CXADR: variants seen among roughly 807,000 people sequenced by gnomAD.
The protein encoded by CXADR is coxsackievirus and adenovirus receptor.
Under a neutral mutation model 40.3 loss-of-function variants are expected in CXADR, and 20 were observed. The ratio of observed to expected loss-of-function variants is 0.50; its 90% CI spans 0.35 to 0.72. The LOEUF is 0.72. Ranked by LOEUF, CXADR falls within the 30% of genes least tolerant of loss-of-function variation. CXADR has a pLI of 0.01. For synonymous variants in CXADR, 150 were observed against 161.3 expected (o/e 0.93, Z 0.53); for missense variants, 332 against 449.1 (o/e 0.74, Z 2.36).
intron 7 of CXADR, among the ~76,000 whole-genome samples, chr21:17,586,593 C>T (rs950462441): frequency 1.3e-5 from 2 of 151,344 alleles, no homozygotes; most frequent in African/African-American, 4.8e-5. Flanking sequence ...GAGTCAGCCT[C>T]TTCTCAGTAC....
the CXADR span, chr21:17,598,585 T>A: frequency 6.3e-7 from 1 of 1,586,494 alleles, no homozygotes; most frequent in Non-Finnish European, 8.6e-7. Context: ...TCCCTGCACA[T>A]CCCTTTAAAA....
Position 17,568,503 on chromosome 21 carries a change from G to A in CXADR, c.*2811G>A. The A allele has an allele frequency of 2.0e-6, 2 of 980,634 alleles. No individual in the cohort carries two copies. The highest frequency in any genetic ancestry group is 2.4e-6 in the Non-Finnish European group (2 of 828,296). 60.7% of individuals were successfully genotyped at this position (980,634 alleles called of 1,614,324 possible). A position where few individuals can be genotyped will look rare whatever the true frequency, so the allele number is the denominator to read the frequency against. On this transcript the variant is annotated 3_prime_UTR_variant, in exon 7 of 7. Coordinates refer to ENST00000284878, the MANE Select transcript of CXADR (RefSeq NM_001338.5). ...AGACTTGATACCATCCATCTCTTTAGGTTACAGAGGATAATTTGAAGAGAA... is the reference window on the plus strand; with the variant it reads ...AGACTTGATACCATCCATCTCTTTAAGTTACAGAGGATAATTTGAAGAGAA...
At chr21:17,548,102 A>G (rs1434951390) in intron 2 of CXADR, among the ~76,000 whole-genome samples, 1 of 152,184 alleles carries the variant, frequency 6.6e-6, no homozygotes, top group East Asian at 1.9e-4. Flanking sequence ...GGAGAGGAAA[A>G]TAAGTCCAAA....
At chr21:17,526,963 ATAT>A (rs1479790193) in intron 1 of CXADR, among the ~76,000 whole-genome samples, 1 of 152,160 alleles carries the variant, frequency 6.6e-6, no homozygotes, top group African/African-American at 2.4e-5. Context: ...GGAGTGATAC[ATAT>A]TATTCTATGA....
At chr21:17,565,337 T>C (rs2061190743) in intron 6 of CXADR, 91 bp from the exon 7 acceptor site, 4 of 1,380,554 alleles carry the variant, frequency 2.9e-6, no homozygotes, top group Non-Finnish European at 4.0e-6. Flanking sequence ...AGTACCTAAA[T>C]ACAGGCTCTT....
At chr21:17,631,515 T>C in the CXADR span, among the ~76,000 whole-genome samples, 1 of 152,218 alleles carries the variant, frequency 6.6e-6, no homozygotes, top group Non-Finnish European at 1.5e-5. Flanking sequence ...TTGTATTCTT[T>C]TTTAATGAAA....
intron 1 of CXADR, among the ~76,000 whole-genome samples, chr21:17,516,727 G>A (rs2060466639): frequency 6.6e-6 from 1 of 152,074 alleles, no homozygotes; most frequent in African/African-American, 2.4e-5. Flanking sequence ...TTGGTCAAGG[G>A]ATACAAAATT....
At chr21:17,543,591 T>C (rs904861471) in intron 1 of CXADR, among the ~76,000 whole-genome samples, 1 of 152,222 alleles carries the variant, frequency 6.6e-6, no homozygotes, top group Admixed American at 6.5e-5. Flanking sequence ...TGGAATGAGA[T>C]TTTTATTTTT....
At chr21:17,586,325 G>T (rs2061395553) in intron 7 of CXADR, among the ~76,000 whole-genome samples, 1 of 148,998 alleles carries the variant, frequency 6.7e-6, no homozygotes, top group Non-Finnish European at 1.5e-5. Context: ...ATTCCAAATG[G>T]CCTGTCTTCC....
intron 1 of CXADR, among the ~76,000 whole-genome samples, chr21:17,535,218 C>T (rs1236340644): frequency 1.3e-5 from 2 of 152,174 alleles, no homozygotes; most frequent in Non-Finnish European, 2.9e-5. Flanking sequence ...GCCTCAGCTT[C>T]CCAGGCTCAA....
chr21:17,568,621 G>A lies in CXADR; in HGVS notation c.*2929G>A, dbSNP rs1210687999. ...GCTCAGGCTGGTCTCAAACTGCTGG[G>A]CTCAGGAGATCCTCCTGCCTTGGCC... On this transcript the variant is annotated 3_prime_UTR_variant, in exon 7 of 7. Coordinates refer to ENST00000284878, the MANE Select transcript of CXADR (RefSeq NM_001338.5). The A allele has an allele frequency of 3.1e-6, 3 of 981,906 alleles. No homozygotes were observed. The East Asian group carries it at 3.4e-4, about 112-fold the overall frequency. 60.8% of individuals were successfully genotyped at this position (981,906 alleles called of 1,614,324 possible).
chr21:17,610,620 A>C, the CXADR span, among the ~76,000 whole-genome samples: 1 of 152,202 alleles, frequency 6.6e-6, no homozygotes, highest in Non-Finnish European at 1.5e-5. Flanking sequence ...GATTGTTTTG[A>C]TGTATGTTGT....
At chr21:17,584,077 G>A (rs775104535) in intron 7 of CXADR, among the ~76,000 whole-genome samples, 1 of 152,148 alleles carries the variant, frequency 6.6e-6, no homozygotes, top group South Asian at 2.1e-4. Context: ...CAACTCAGGT[G>A]GGAAAGATTT....
the CXADR span, among the ~76,000 whole-genome samples, chr21:17,620,923 C>T: frequency 1.3e-5 from 2 of 152,302 alleles, no homozygotes; most frequent in African/African-American, 4.8e-5. Flanking sequence ...GCTGGTAACT[C>T]AGGCAAGAGT....
the CXADR span, among the ~76,000 whole-genome samples, chr21:17,630,805 A>C: frequency 6.6e-6 from 1 of 152,138 alleles, no homozygotes; most frequent in African/African-American, 2.4e-5. Context: ...ATTGTTTCAG[A>C]AATTCTGCTT....
downstream of CXADR, chr21:17,594,430 T>C: frequency 7.2e-7 from 1 of 1,380,926 alleles, no homozygotes; most frequent in Non-Finnish European, 9.9e-7. Context: ...CCCACAACAC[T>C]GAGATCACAT....
chr21:17,542,961 C>T (rs2060848167), intron 1 of CXADR: 3 of 266,750 alleles, frequency 1.1e-5, no homozygotes, highest in Non-Finnish European at 2.3e-5. Flanking sequence ...AAAAGAGGCC[C>T]TTCAGTGTTG....
At chr21:17,609,726 G>A in the CXADR span, among the ~76,000 whole-genome samples, 4 of 152,170 alleles carry the variant, frequency 2.6e-5, no homozygotes, top group African/African-American at 9.7e-5. Context: ...AATGCCCATA[G>A]CAGTATTCAT....
At position 17,567,634 on chromosome 21, in the gene CXADR, T is replaced by A. The variant is rs764374309; in HGVS notation, c.*1942T>A. 3.3e-4 allele frequency: 323 copies of A among 983,356 alleles called. No individual in the cohort carries two copies. The highest frequency in any genetic ancestry group is 3.8e-4 in the Non-Finnish European group (318 of 828,132). The allele number at this position is 983,356 out of a possible 1,614,324, so 60.9% of individuals were successfully genotyped here. On this transcript the variant is annotated 3_prime_UTR_variant, in exon 7 of 7. Transcript: ENST00000284878. ...TTAGAAATTTCAATATTCCCAACACTCTATGTTTCTGATTTTATAACAGTA... is the reference window on the plus strand; with the variant it reads ...TTAGAAATTTCAATATTCCCAACACACTATGTTTCTGATTTTATAACAGTA...
Sources: gnomAD v4.1 joint callset for allele counts (sites outside exome capture counted in the v4.1 genomes callset) on GRCh38, gnomAD v4.1.1 for gene constraint, MANE v1.5 for transcripts, NCBI Gene and HGNC (gene_info 2026-07-23, HGNC 2026-07-21) for gene names.